Variants in CXorf38 observed in about 807,000 individuals in gnomAD.
The protein encoded by CXorf38 is uncharacterized protein CXorf38.
In CXorf38, 13 loss-of-function variants were observed where a neutral mutation model predicts 27.5. The ratio of observed to expected loss-of-function variants is 0.47; its 90% confidence interval spans 0.31 to 0.75. The LOEUF (loss-of-function observed/expected upper bound fraction) is 0.75. CXorf38 is among the 30% of genes least tolerant of loss of function. The pLI is 0.05. For missense variants in CXorf38, 240 were observed against 253.2 expected (o/e 0.95, Z 0.35); for synonymous variants, 100 against 99.8 (o/e 1.00, Z -0.01).
chrX:40,639,018 T>G lies in CXorf38; in HGVS notation c.462A>C (p.Lys154Asn), dbSNP rs373499837. The G allele has an allele frequency of 8.3e-7, 1 of 1,209,502 alleles. No homozygotes were observed. The highest frequency in any genetic ancestry group is 1.1e-6 in the Non-Finnish European group (1 of 894,879). The change falls in exon 3 of 7, where the codon AAA becomes AAC. Residue 154 changes from lysine (K) to asparagine (N), a missense_variant. Transcript: ENST00000327877. ...SCDHFVVDRK[K>N]VTEVIKCRNE... ...ATCTGACAGCTCTTACCTCTGTGAC[T>G]TTCTTTCGATCAACCACGAAGTGAT...
chrX:40,628,527 A>G lies in CXorf38; in HGVS notation c.*1637T>C, dbSNP rs779172936. 1.8e-5 allele frequency: 2 copies of G among 112,243 alleles called. No homozygotes were observed. The highest frequency in any genetic ancestry group is 7.4e-4 in the South Asian group (2 of 2,694). The allele number at this position is 112,243 out of a possible 1,213,427, so 9.3% of individuals were successfully genotyped here. ...CACGGACCACTGCCTATGATGGGGC[A>G]GTCATTGCGCAGTTTGGGAAACCAG... On this transcript the variant is annotated 3_prime_UTR_variant, in exon 7 of 7. Transcript: ENST00000327877.
intron 2 of CXorf38, among the ~76,000 whole-genome samples, chrX:40,642,255 C>T (rs1484940607): frequency 1.8e-5 from 2 of 111,515 alleles, no homozygotes; most frequent in East Asian, 5.6e-4. Context: ...GGGGCAAAGA[C>T]AAACTGTTCT....
In CXorf38 at chrX:40,630,629, C is replaced by G; in HGVS notation, c.946G>C (p.Asp316His). The change falls in exon 6 of 7, where the codon GAC becomes CAC. Residue 316 changes from aspartate (D) to histidine (H), a missense_variant. Coordinates refer to ENST00000327877, the MANE Select transcript of CXorf38 (RefSeq NM_144970.3). Reference protein sequence around the residue: ...DSQEPGRQTPDRKA With the variant: ...DSQEPGRQTPHRKA ...CTGAACTCACCTCAGGCCTTCCTGTCAGGTGTTTGTCTCCCAGGTTCCTGT... is the reference window on the plus strand; with the variant it reads ...CTGAACTCACCTCAGGCCTTCCTGTGAGGTGTTTGTCTCCCAGGTTCCTGT... 1 of 1,209,259 alleles carries G rather than the reference C, an allele frequency of 8.3e-7. No individual in the cohort carries two copies. The highest frequency in any genetic ancestry group is 1.1e-6 in the Non-Finnish European group (1 of 894,202).
chrX:40,640,995 C>T (rs1245467753), intron 2 of CXorf38, among the ~76,000 whole-genome samples: 1 of 102,840 alleles, frequency 9.7e-6, no homozygotes, highest in East Asian at 3.0e-4. Context: ...AACAAAGAAG[C>T]TAACTAACTT....
intron 4 of CXorf38, 75 bp downstream of exon 4, chrX:40,636,932 A>T: frequency 1.0e-6 from 1 of 992,335 alleles, no homozygotes; most frequent in South Asian, 2.4e-5. Flanking sequence ...ATAAACTTCA[A>T]ATTCTAAATG....
At chrX:40,640,053 A>C (rs1426041074) in intron 2 of CXorf38, 1 of 207,704 alleles carries the variant, frequency 4.8e-6, no homozygotes, top group African/African-American at 3.1e-5. Context: ...CGCAATAAGA[A>C]CTCTAAATAG....
intron 5 of CXorf38, among the ~76,000 whole-genome samples, chrX:40,636,305 C>T (rs994308605): frequency 8.9e-6 from 1 of 112,405 alleles, no homozygotes; most frequent in Non-Finnish European, 1.9e-5. Context: ...CACATTTTTC[C>T]ACTTTGTGGC....
intron 5 of CXorf38, among the ~76,000 whole-genome samples, chrX:40,633,943 C>G (rs372308585): frequency 9.0e-6 from 1 of 110,566 alleles, no homozygotes; most frequent in African/African-American, 3.3e-5. Context: ...AGCCCATGGC[C>G]GACACAAACT....
intron 2 of CXorf38, among the ~76,000 whole-genome samples, chrX:40,643,807 G>T (rs1201327735): frequency 8.9e-6 from 1 of 111,904 alleles, no homozygotes; most frequent in Non-Finnish European, 1.9e-5. Flanking sequence ...ACCGTGCCCC[G>T]CCTGGACATT....
chrX:40,635,939 T>C (rs1928046458), intron 5 of CXorf38, among the ~76,000 whole-genome samples: 1 of 112,444 alleles, frequency 8.9e-6, no homozygotes, highest in South Asian at 3.6e-4. Context: ...CTAAAAGCTA[T>C]ATCTGATCCT....
At chrX:40,631,468 C>T (rs754288261) in intron 5 of CXorf38, among the ~76,000 whole-genome samples, 380 of 110,081 alleles carry the variant, frequency 3.5e-3, no homozygotes, top group Non-Finnish European at 3.8e-3. Context: ...CCACCACGCC[C>T]GGCTAATTTT....
At chrX:40,639,309 C>T (rs2146579311) in intron 2 of CXorf38, 181 bp from the exon 3 acceptor site, 1 of 431,906 alleles carries the variant, frequency 2.3e-6, no homozygotes, top group East Asian at 3.9e-5. Context: ...AAACCTTGGC[C>T]AAGGGCAATA....
intron 2 of CXorf38, among the ~76,000 whole-genome samples, chrX:40,643,586 G>A (rs1231010759): frequency 9.0e-6 from 1 of 110,593 alleles, no homozygotes; most frequent in Admixed American, 9.6e-5. Flanking sequence ...TCAGCTCACC[G>A]CAACCTCCAC....
At chrX:40,642,831 G>C in intron 2 of CXorf38, among the ~76,000 whole-genome samples, 1 of 109,990 alleles carries the variant, frequency 9.1e-6, no homozygotes, top group Non-Finnish European at 1.9e-5. Context: ...GAGTACAATG[G>C]TGCCACCACA....
chrX:40,636,659 C>A lies in CXorf38; in HGVS notation c.675G>T (p.Gly225=), dbSNP rs769423965. Residue 225 remains glycine, a synonymous_variant, in exon 5 of 7, where the codon GGG becomes GGT. Transcript: ENST00000327877. ...VHIPEEDQRD[G]CECEMGTYLS... is the part of the protein sequence containing the mutation. ...GGTAAGTTCCCATTTCACATTCACA[C>A]CCATCTCGCTGATCTTCCTCGGGGA... is the stretch of plus-strand genomic sequence containing the variant. 2 of 1,209,147 alleles carry A rather than the reference C, an allele frequency of 1.7e-6. No homozygotes were observed. The highest frequency in any genetic ancestry group is 1.8e-5 in the South Asian group (1 of 56,697).
chrX:40,645,035 C>T (rs1569273086), intron 2 of CXorf38, among the ~76,000 whole-genome samples: 1 of 111,584 alleles, frequency 9.0e-6, no homozygotes, highest in Non-Finnish European at 1.9e-5. Flanking sequence ...CAGCAAGGGA[C>T]GGATTATAAT....
intron 5 of CXorf38, among the ~76,000 whole-genome samples, chrX:40,633,658 A>G (rs372593209): frequency 1.8e-5 from 2 of 111,780 alleles, no homozygotes; most frequent in Non-Finnish European, 3.8e-5. Flanking sequence ...GCCATTTTCT[A>G]TCCTTTCCCC....
intron 5 of CXorf38, among the ~76,000 whole-genome samples, chrX:40,630,989 G>C: frequency 9.0e-6 from 1 of 110,717 alleles, no homozygotes; most frequent in Non-Finnish European, 1.9e-5. Flanking sequence ...ATAAAAAAGT[G>C]ACCCAGGATA....
At position 40,630,131 on chromosome X, in the gene CXorf38, C is replaced by T. The variant is rs1267279949; in HGVS notation, c.*33G>A. 8.9e-6 allele frequency: 1 copy of T among 112,029 alleles called. No individual in the cohort carries two copies. The highest frequency in any genetic ancestry group is 9.5e-5 in the Admixed American group (1 of 10,566). The allele number at this position is 112,029 out of a possible 1,213,427, so 9.2% of individuals were successfully genotyped here. ...GAGATGGAAGCCATGCTGACTTTCA[C>T]AGAACATGCCTGATTTTTGTTGACG... On this transcript the variant is annotated 3_prime_UTR_variant, in exon 7 of 7. Transcript: ENST00000327877.
Sources: gnomAD v4.1 joint callset for allele counts (sites outside exome capture counted in the v4.1 genomes callset) on GRCh38, gnomAD v4.1.1 for gene constraint, MANE v1.5 for transcripts, NCBI Gene and HGNC (gene_info 2026-07-23, HGNC 2026-07-21) for gene names.